PTK2B: variants seen among roughly 807,000 people sequenced by gnomAD.
The protein encoded by PTK2B is protein tyrosine kinase 2 beta.
A neutral mutation model predicts 142.9 loss-of-function variants in PTK2B; 71 were observed. The ratio of observed to expected loss-of-function variants is 0.50; its 90% CI spans 0.41 to 0.61. The LOEUF (loss-of-function observed/expected upper bound fraction) is 0.61, where lower values mean the gene tolerates loss of function less well. Among genes scored for constraint, PTK2B ranks in the 20% least tolerant of loss-of-function variants. The pLI, the probability that PTK2B is intolerant of heterozygous loss-of-function variation, is 0.00. For missense variants in PTK2B, 1,105 were observed against 1,320.4 expected (o/e 0.84, Z 2.53); for synonymous variants, 519 against 503.4 (o/e 1.03, Z -0.42).
chr8:27,400,901 G>A (rs1808342313), intron 2 of PTK2B, among the ~76,000 whole-genome samples: 2 of 152,182 alleles, frequency 1.3e-5, no homozygotes, highest in Non-Finnish European at 2.9e-5. Context: ...CAAGGAATGA[G>A]TAGAACAGAA....
At chr8:27,327,122 G>A (rs1039695904) in intron 1 of PTK2B, among the ~76,000 whole-genome samples, 1 of 152,186 alleles carries the variant, frequency 6.6e-6, no homozygotes, top group Non-Finnish European at 1.5e-5. Flanking sequence ...AGAGACTGGA[G>A]GCTAAAAGCA....
intron 1 of PTK2B, among the ~76,000 whole-genome samples, chr8:27,332,384 G>C (rs1803807200): frequency 6.6e-6 from 1 of 152,178 alleles, no homozygotes; most frequent in Non-Finnish European, 1.5e-5. Flanking sequence ...ATTGTCCCAG[G>C]AAAAGTGATG....
chr8:27,443,079 C>A, intron 22 of PTK2B, 96 bp downstream of exon 22: 1 of 732,750 alleles, frequency 1.4e-6, no homozygotes, highest in South Asian at 1.6e-5. Context: ...CAGGATGCCC[C>A]CTACAGCCCT....
chr8:27,433,194 A>G (rs923615824), intron 10 of PTK2B, among the ~76,000 whole-genome samples: 3 of 152,228 alleles, frequency 2.0e-5, no homozygotes, highest in Non-Finnish European at 4.4e-5. Context: ...GCATCGTGCT[A>G]TGTGCTCAGA....
chr8:27,320,892 GT>G (rs1403871157), upstream of PTK2B, among the ~76,000 whole-genome samples: 1 of 140,890 alleles, frequency 7.1e-6, no homozygotes, highest in African/African-American at 2.6e-5. Context: ...TCATACCTCA[GT>G]TTTTCTGATG....
Position 27,458,650 on chromosome 8 carries a change from C to A in PTK2B, c.*141C>A. The A allele has an allele frequency of 4.9e-6, 4 of 812,198 alleles. No homozygotes were observed. Among genetic ancestry groups the A allele is most frequent in the Non-Finnish European group, 7.8e-6 (4 of 511,488 alleles). 50.3% of individuals were successfully genotyped at this position (812,198 alleles called of 1,614,324 possible). On this transcript the variant is annotated 3_prime_UTR_variant, in exon 31 of 31. Transcript: ENST00000346049. ...CTTGCCACTTTGCACGACGCCCTCT[C>A]CCCACCCCTACCCCTGGCTGTACTG...
chr8:27,360,708 C>T lies in PTK2B; in HGVS notation c.-38+35027C>T, dbSNP rs570166953. On this transcript the variant is annotated intron_variant, in intron 1 of 30. Transcript: ENST00000346049. ...TGAACTACCAAATGACACGTATATT[C>T]TGTGAACTTTCAAAAAAGGATGTGA... 2.0e-4 allele frequency among the ~76,000 whole-genome samples: 31 copies of T among 152,324 alleles called. 1 individual carries two copies. The South Asian group carries it at 6.4e-3, about 32-fold the overall frequency.
chr8:27,456,251 C>T (rs76782246), intron 30 of PTK2B, among the ~76,000 whole-genome samples: 4,414 of 152,310 alleles, frequency 0.029, 82 homozygotes, highest in Middle Eastern at 0.044. Context: ...ACATTTGTGG[C>T]AACCCTACAA....
intron 3 of PTK2B, among the ~76,000 whole-genome samples, chr8:27,319,643 CAAAAA>C (rs35156739): frequency 6.7e-5 from 6 of 89,230 alleles, no homozygotes; most frequent in African/African-American, 1.7e-4. Context: ...GACTCTGTCT[CAAAAA>C]AAAAAAAAAA....
chr8:27,383,867 A>ATTTTTT (rs1807182550), intron 1 of PTK2B, among the ~76,000 whole-genome samples: 1 of 59,816 alleles, frequency 1.7e-5, no homozygotes, highest in African/African-American at 4.7e-5. Context: ...TTTTTTTTTG[A>ATTTTTT]GACAGAGTTT....
chr8:27,351,636 C>G (rs1248974111), intron 1 of PTK2B, among the ~76,000 whole-genome samples: 1 of 152,240 alleles, frequency 6.6e-6, no homozygotes. Flanking sequence ...GTACTAATGC[C>G]TCCAACTAGT....
intron 1 of PTK2B, among the ~76,000 whole-genome samples, chr8:27,364,267 T>A (rs1380583450): frequency 2.6e-5 from 4 of 152,206 alleles, no homozygotes; most frequent in Non-Finnish European, 5.9e-5. Context: ...AGAATGCACC[T>A]CAGGGGCTTC....
rs552553756 is a variant in PTK2B at position 27,389,032 on chromosome 8, TG to T, written c.-37-8515del. ...TCTGGGTCACTTTTTCCTAAGATCC[TG>T]AGGCCCAGTAGGCAGGTTCTCTTCT... On this transcript the variant is annotated intron_variant, in intron 1 of 30. Transcript: ENST00000346049. Among the ~76,000 whole-genome samples, 62 of 152,324 alleles carry T rather than the reference TG, an allele frequency of 4.1e-4. No homozygotes were observed. In the South Asian group the frequency reaches 0.013, roughly 31 times the overall value.
chr8:27,387,414 T>C (rs1360689965), intron 1 of PTK2B, among the ~76,000 whole-genome samples: 2 of 152,254 alleles, frequency 1.3e-5, no homozygotes, highest in African/African-American at 4.8e-5. Context: ...GTTACATTTC[T>C]TCTTAACGTT....
intron 1 of PTK2B, among the ~76,000 whole-genome samples, chr8:27,388,573 C>T (rs530354171): frequency 3.6e-4 from 55 of 152,340 alleles, no homozygotes; most frequent in African/African-American, 1.3e-3. Context: ...ACCCTGAGAT[C>T]TGCCCTTTTT....
intron 30 of PTK2B, among the ~76,000 whole-genome samples, chr8:27,456,499 G>C (rs1472985620): frequency 6.6e-6 from 1 of 152,108 alleles, no homozygotes; most frequent in African/African-American, 2.4e-5. Context: ...CTGCTCCTCC[G>C]ACCATGCATT....
chr8:27,451,333 T>C lies in PTK2B; in HGVS notation c.2524-152T>C, dbSNP rs1448200170. ...CCCTCGGCCTCCCAGAAAGGTCACA[T>C]TGGGTCACGAGCTGCTCCCAGAAGC... is the stretch of plus-strand genomic sequence containing the variant. On this transcript the variant is annotated intron_variant, in intron 26 of 30. Transcript: ENST00000346049. 6.6e-5 allele frequency: 87 copies of C among 1,325,386 alleles called. 2 individuals are homozygous for C. The South Asian group carries it at 1.1e-3, about 16-fold the overall frequency. 82.1% of individuals were successfully genotyped at this position (1,325,386 alleles called of 1,614,324 possible).
rs913203217 is a variant in PTK2B at position 27,458,576 on chromosome 8, G to A, written c.*67G>A. ...TGCCATGTACCTCCCCTGCCTTGCT[G>A]TTGGTCATGTGGGTCTTCCAGGGGG... On this transcript the variant is annotated 3_prime_UTR_variant, in exon 31 of 31. Coordinates refer to ENST00000346049, the MANE Select transcript of PTK2B (RefSeq NM_173176.3). The A allele has an allele frequency of 1.3e-6, 2 of 1,497,214 alleles. No homozygotes were observed. The highest frequency in any genetic ancestry group is 1.8e-6 in the Non-Finnish European group (2 of 1,109,422). 92.7% of individuals were successfully genotyped at this position (1,497,214 alleles called of 1,614,324 possible).
intron 1 of PTK2B, among the ~76,000 whole-genome samples, chr8:27,375,109 A>C (rs897886337): frequency 6.6e-6 from 1 of 152,202 alleles, no homozygotes. Context: ...GAAGGGGCTG[A>C]TGGGAGTGGC....
Sources: gnomAD v4.1 joint callset for allele counts (sites outside exome capture counted in the v4.1 genomes callset) on GRCh38, gnomAD v4.1.1 for gene constraint, MANE v1.5 for transcripts, NCBI Gene and HGNC (gene_info 2026-07-23, HGNC 2026-07-21) for gene names.